ARRB2: variants seen among roughly 807,000 people sequenced by gnomAD.
ARRB2 encodes the protein arrestin beta 2.
Under a neutral mutation model 53.4 loss-of-function variants are expected in ARRB2, and 21 were observed. The observed-to-expected ratio is 0.39, with a 90% CI of 0.28 to 0.57. The LOEUF is 0.57. ARRB2 is among the 20% of genes least tolerant of loss of function. The probability of loss-of-function intolerance (pLI) is 0.55; values close to 1 mark genes in which losing one functional copy is unlikely to be tolerated. For missense variants in ARRB2, 369 were observed against 527.5 expected (o/e 0.70, Z 2.94); for synonymous variants, 180 against 212.9 (o/e 0.85, Z 1.34).
At chr17:4,716,914 A>T in intron 5 of ARRB2, 1 of 603,470 alleles carries the variant, frequency 1.7e-6, no homozygotes, top group South Asian at 2.0e-5. Flanking sequence ...GGTTCACTGC[A>T]ACCTCCGCCT....
Position 4,721,316 on chromosome 17 carries a change from G to T in ARRB2, c.*277G>T. ...GTTCATACCTAAATTTTCTGGAAGG[G>T]GACAGTGAAAAGAGGAGTGACAGGA... On this transcript the variant is annotated 3_prime_UTR_variant, in exon 15 of 15. Transcript: ENST00000269260. The surrounding 1 kb of genome is among the most constrained non-coding windows in gnomAD (Gnocchi z 4.2). The T allele has an allele frequency of 2.2e-6, 1 of 461,272 alleles. No individual in the cohort carries two copies. Among genetic ancestry groups the T allele is most frequent in the Middle Eastern group, 5.6e-4 (1 of 1,794 alleles). The allele number at this position is 461,272 out of a possible 1,614,324, so 28.6% of individuals were successfully genotyped here. A position where few individuals can be genotyped will look rare whatever the true frequency, so the allele number is the denominator to read the frequency against.
intron 11 of ARRB2, 118 bp from the exon 12 acceptor site, chr17:4,720,098 G>A: frequency 9.8e-7 from 1 of 1,023,802 alleles, no homozygotes. Flanking sequence ...CTGGGCTGCT[G>A]GGGCCCTGGG....
intron 2 of ARRB2, 158 bp downstream of exon 2, chr17:4,715,201 C>A: frequency 1.1e-6 from 1 of 874,636 alleles, no homozygotes; most frequent in Non-Finnish European, 1.7e-6. Context: ...CTCCTGAAGC[C>A]CCTTGCCGCA....
intron 10 of ARRB2, 98 bp downstream of exon 10, chr17:4,718,782 C>CAT (rs555238578): frequency 9.2e-6 from 8 of 867,694 alleles, no homozygotes; most frequent in Admixed American, 3.2e-5. Flanking sequence ...CCATCTCCAC[C>CAT]TTTTTTTTTT....
chr17:4,715,568 G>GACACACACACAC, intron 2 of ARRB2: 2 of 220,428 alleles, frequency 9.1e-6, no homozygotes, highest in African/African-American at 2.6e-5. Flanking sequence ...CACACACACG[G>GACACACACACAC]ACACACACAC....
At chr17:4,714,374 C>G (rs796163977) in intron 1 of ARRB2, among the ~76,000 whole-genome samples, 1 of 152,154 alleles carries the variant, frequency 6.6e-6, no homozygotes, top group Non-Finnish European at 1.5e-5. Flanking sequence ...AGGCCAGGGT[C>G]ATTGCTCTCC....
chr17:4,720,102 CCCTGGGGG>C, intron 11 of ARRB2, 106 bp from the exon 12 acceptor site: 1 of 1,073,612 alleles, frequency 9.3e-7, no homozygotes, highest in Non-Finnish European at 1.4e-6. Flanking sequence ...GCTGCTGGGG[CCCTGGGGG>C]CCTGTGCGAG....
intron 2 of ARRB2, chr17:4,715,726 A>ACACACACAAACACAC (rs1567681737): frequency 4.0e-6 from 1 of 251,638 alleles, no homozygotes. Flanking sequence ...CACACACACA[A>ACACACACAAACACAC]ACACACACAC....
intron 10 of ARRB2, among the ~76,000 whole-genome samples, 162 bp downstream of exon 10, chr17:4,718,846 A>AC (rs1915371712): frequency 6.7e-6 from 1 of 148,606 alleles, no homozygotes; most frequent in Non-Finnish European, 1.5e-5. Context: ...CAATGGGGCA[A>AC]CCTCTGCTCA....
Position 4,718,352 on chromosome 17 carries a change from G to T in ARRB2, c.706+7G>T. On this transcript the variant is annotated splice_region_variant and intron_variant, in intron 9 of 14. Transcript: ENST00000269260. ...AAGAAGATCAAAGTCTCTGGTAGGA[G>T]GTGGGGTTTGGAAGGGGGTCTTCGG... The T allele has an allele frequency of 1.2e-6, 2 of 1,607,488 alleles. No individual in the cohort carries two copies. Among genetic ancestry groups the T allele is most frequent in the East Asian group, 2.2e-5 (1 of 44,796 alleles).
intron 2 of ARRB2, 198 bp downstream of exon 2, chr17:4,715,241 G>A (rs1297196797): frequency 3.1e-6 from 2 of 642,672 alleles, no homozygotes; most frequent in African/African-American, 1.8e-5. Context: ...CAGCCACAGG[G>A]CTGGGTGGGG....
chr17:4,717,609 G>A lies in ARRB2; in HGVS notation c.418-76G>A. 6.3e-7 allele frequency: 1 copy of A among 1,583,746 alleles called. No homozygotes were observed. The highest frequency in any genetic ancestry group is 8.7e-7 in the Non-Finnish European group (1 of 1,154,046). On this transcript the variant is annotated intron_variant, in intron 6 of 14. Transcript: ENST00000269260. The surrounding 1 kb of genome is among the most constrained non-coding windows in gnomAD (Gnocchi z 6.0). ...GGCAAGAGTCCCTGCCCGAGAGGAGGGAAGGGGGAGGAAGAAAGGGCAGTG... is the reference window on the plus strand; with the variant it reads ...GGCAAGAGTCCCTGCCCGAGAGGAGAGAAGGGGGAGGAAGAAAGGGCAGTG...
chr17:4,717,370 T>A lies in ARRB2; in HGVS notation c.417+94T>A. The A allele has an allele frequency of 5.4e-6, 8 of 1,489,768 alleles. No individual in the cohort carries two copies. The South Asian group carries it at 9.0e-5, about 17-fold the overall frequency. The allele number at this position is 1,489,768 out of a possible 1,614,324, so 92.3% of individuals were successfully genotyped here. ...TGAGCCAGAGGGTGAACTGTCGAGA[T>A]GCCAGGGTGGGGCCGAGGGTAGGCC... On this transcript the variant is annotated intron_variant, in intron 6 of 14. Transcript: ENST00000269260. The surrounding 1 kb of genome is among the most constrained non-coding windows in gnomAD (Gnocchi z 6.0).
intron 2 of ARRB2, 69 bp downstream of exon 2, chr17:4,715,112 C>CGATCCCCAACCTACCCAAAGAT (rs1914811245): frequency 6.5e-7 from 1 of 1,539,176 alleles, no homozygotes; most frequent in Non-Finnish European, 8.8e-7. Flanking sequence ...TTCCCCTAGA[C>CGATCCCCAACCTACCCAAAGAT]GATCCCCAAC....
chr17:4,719,880 C>T (rs1361840836), intron 11 of ARRB2, among the ~76,000 whole-genome samples: 1 of 152,184 alleles, frequency 6.6e-6, no homozygotes, highest in Non-Finnish European at 1.5e-5. Context: ...TCAGGGTTCT[C>T]ACTGCACAGC....
chr17:4,716,725 A>T (rs1915101332), intron 5 of ARRB2, 117 bp downstream of exon 5: 1 of 1,453,074 alleles, frequency 6.9e-7, no homozygotes, highest in Non-Finnish European at 9.0e-7. Context: ...GGGACCCTAG[A>T]TCCACTTCCC....
chr17:4,720,920 T>C lies in ARRB2; in HGVS notation c.1137-26T>C, dbSNP rs1231625851. On this transcript the variant is annotated intron_variant, in intron 14 of 14. Coordinates refer to ENST00000269260, the MANE Select transcript of ARRB2 (RefSeq NM_004313.4). ...GGGACAAGAGTCAGAAGCCCTCACC[T>C]CACAACCCTCTTTCCCACCACCAAG... 4 of 1,611,056 alleles carry C rather than the reference T, an allele frequency of 2.5e-6. No homozygotes were observed. In the African/African-American group the frequency reaches 5.4e-5, roughly 22 times the overall value.
chr17:4,719,622 G>A (rs762217772), intron 11 of ARRB2, among the ~76,000 whole-genome samples: 11 of 152,136 alleles, frequency 7.2e-5, no homozygotes, highest in Non-Finnish European at 1.2e-4. Context: ...GAAAAAGCCA[G>A]GCAGAGAAGG....
intron 10 of ARRB2, 110 bp from the exon 11 acceptor site, chr17:4,719,173 C>A: frequency 7.4e-7 from 1 of 1,351,522 alleles, no homozygotes. Flanking sequence ...GTGACCTGTG[C>A]CCAAAGAAAC....
Sources: allele counts gnomAD v4.1 joint callset (sites outside exome capture counted in the v4.1 genomes callset), GRCh38; gene constraint gnomAD v4.1.1; non-coding constraint Gnocchi (gnomAD v3.1); transcripts MANE v1.5; gene names NCBI Gene and HGNC (gene_info 2026-07-23, HGNC 2026-07-21).